SLC25A24: variants seen among roughly 807,000 people sequenced by gnomAD.
SLC25A24 encodes mitochondrial adenyl nucleotide antiporter SLC25A24.
Under a neutral mutation model 60.7 loss-of-function variants are expected in SLC25A24, and 49 were observed. The observed-to-expected ratio is 0.81, with a 90% CI of 0.64 to 1.02. The LOEUF (loss-of-function observed/expected upper bound fraction) is 1.02, where lower values mean the gene tolerates loss of function less well. SLC25A24 is among the 50% of genes least tolerant of loss of function. The pLI is 0.00. For synonymous variants in SLC25A24, 202 were observed against 200.6 expected, an observed-to-expected ratio of 1.01 and a Z score of -0.06; for missense variants, 564 against 586.3, an observed-to-expected ratio of 0.96 and a Z score of 0.39.
Position 108,169,268 on chromosome 1 carries a change from G to A in SLC25A24, c.399-7975C>T, listed in dbSNP as rs983563312. ...GCCCCTGGCTCCTTACAGTTCTTCA[G>A]GAATGTCCTGGATATTCTTAGGCCT... is the stretch of plus-strand genomic sequence containing the variant. On this transcript the variant is annotated intron_variant, in intron 3 of 9. Transcript: ENST00000565488. Among the ~76,000 whole-genome samples the A allele has an allele frequency of 2.0e-5, 3 of 152,138 alleles. No homozygotes were observed. The South Asian group carries it at 6.2e-4, about 32-fold the overall frequency.
chr1:108,200,085 C>A lies in SLC25A24; in HGVS notation c.54G>T (p.Ala18=). The A allele has an allele frequency of 1.3e-6, 2 of 1,581,956 alleles. No homozygotes were observed. The stretch of plus-strand genomic sequence containing the variant: ...GGGTCTCGTAGCGCGTCGGCTGCTC[C>A]GCGTCCTGGCAGGCCGCGGTGGGCA... ...FVLPTAACQD[A]EQPTRYETLF... The change falls in exon 1 of 10, where the codon GCG becomes GCT. Residue 18 remains alanine (A), a synonymous_variant. Transcript: ENST00000565488.
In SLC25A24 at chr1:108,136,476, C is replaced by T; in HGVS notation, c.*177G>A. 1.8e-6 allele frequency: 1 copy of T among 556,220 alleles called. No individual in the cohort carries two copies. The highest frequency in any genetic ancestry group is 3.4e-5 in the Admixed American group (1 of 29,484). 34.5% of individuals were successfully genotyped at this position (556,220 alleles called of 1,614,324 possible). A position where few individuals can be genotyped will look rare whatever the true frequency, so the allele number is the denominator to read the frequency against. ...AACACATTAAAACTATGATTTTGAACATTTCTGTGTACATATAATTTAGCC... is the reference window on the plus strand; with the variant it reads ...AACACATTAAAACTATGATTTTGAATATTTCTGTGTACATATAATTTAGCC... On this transcript the variant is annotated 3_prime_UTR_variant, in exon 10 of 10. Transcript: ENST00000565488.
chr1:108,157,419 A>G, intron 5 of SLC25A24, 43 bp downstream of exon 5: 1 of 1,550,168 alleles, frequency 6.5e-7, no homozygotes, highest in Non-Finnish European at 8.8e-7. Context: ...TCATTGTTTT[A>G]GAATATTTAG....
rs143310576 is a variant in SLC25A24, at chr1:108,199,810, T to G, written c.183+146A>C. 218 of 656,976 alleles carry G rather than the reference T, an allele frequency of 3.3e-4. 2 individuals are homozygous for G. The highest frequency in any genetic ancestry group is 3.2e-3 in the African/African-American group (175 of 54,040). The allele number at this position is 656,976 out of a possible 1,614,324, so 40.7% of individuals were successfully genotyped here. ...CGCCGGTCGCGGCCCCACGCCCGAGTTTCTGAAGCCACCGGAGCGCTGGGC... is the reference window on the plus strand; with the variant it reads ...CGCCGGTCGCGGCCCCACGCCCGAGGTTCTGAAGCCACCGGAGCGCTGGGC... On this transcript the variant is annotated intron_variant, in intron 1 of 9. Coordinates refer to ENST00000565488, the MANE Select transcript of SLC25A24 (RefSeq NM_013386.5).
At chr1:108,141,760 C>T (rs1482786046) in intron 8 of SLC25A24, among the ~76,000 whole-genome samples, 4 of 152,034 alleles carry the variant, frequency 2.6e-5, no homozygotes, top group Non-Finnish European at 5.9e-5. Context: ...AAGCCAGTCA[C>T]GGAAAGAGAA....
At chr1:108,145,800 C>T (rs148721358) in intron 7 of SLC25A24, among the ~76,000 whole-genome samples, 11,051 of 152,190 alleles carry the variant, frequency 0.073, 536 homozygotes, top group East Asian at 0.12. Flanking sequence ...GTTTTGGTTA[C>T]TGTAGCCTTG....
intron 3 of SLC25A24, among the ~76,000 whole-genome samples, chr1:108,168,890 T>C (rs1370304237): frequency 6.6e-6 from 1 of 151,862 alleles, no homozygotes; most frequent in African/African-American, 2.4e-5. Flanking sequence ...TATGGCCTTT[T>C]GTGTCTTCTT....
rs1558005981 is a variant in SLC25A24 at position 108,139,052 on chromosome 1, A to G, written c.1249+6T>C. 3 of 1,568,538 alleles carry G rather than the reference A, an allele frequency of 1.9e-6. No individual in the cohort carries two copies. Among genetic ancestry groups the G allele is most frequent in the Non-Finnish European group, 2.6e-6 (3 of 1,158,834 alleles). ...TATCGGTGTGGTTCTGTAATCAAAA[A>G]TTCACCTTGAGCCTGCATGCGAGTT... On this transcript the variant is annotated splice_donor_region_variant and intron_variant, in intron 9 of 9. Transcript: ENST00000565488.
rs1679222229 is a variant in SLC25A24 at position 108,134,342 on chromosome 1, C to T, written c.*2311G>A. 6.6e-6 allele frequency: 1 copy of T among 152,302 alleles called. No homozygotes were observed. The highest frequency in any genetic ancestry group is 1.9e-4 in the East Asian group (1 of 5,182). 9.4% of individuals were successfully genotyped at this position (152,302 alleles called of 1,614,324 possible). ...GGAGTTGAAATGCAGAATTTCTCTG[C>T]AGTCTTATGTTTTAATTTTTAAATC... is the stretch of plus-strand genomic sequence containing the variant. On this transcript the variant is annotated 3_prime_UTR_variant, in exon 10 of 10. Transcript: ENST00000565488.
rs1679265037 is a variant in SLC25A24 at position 108,135,749 on chromosome 1, A to T, written c.*904T>A. On this transcript the variant is annotated 3_prime_UTR_variant, in exon 10 of 10. Transcript: ENST00000565488. ...GAAATAAGCACATCATTTGCTCATG[A>T]TCAATCCACTTCATGCAATTAAAAA... 1 of 152,644 alleles carries T rather than the reference A, an allele frequency of 6.6e-6. No homozygotes were observed. Among genetic ancestry groups the T allele is most frequent in the Non-Finnish European group, 1.5e-5 (1 of 68,030 alleles). 9.5% of individuals were successfully genotyped at this position (152,644 alleles called of 1,614,324 possible). A position where few individuals can be genotyped will look rare whatever the true frequency, so the allele number is the denominator to read the frequency against.
rs570467903 is a variant in SLC25A24, at chr1:108,147,441, G to A, written c.930+838C>T. On this transcript the variant is annotated intron_variant, in intron 7 of 9. Transcript: ENST00000565488. Reference sequence around the variant, plus strand: ...TCTGCTCTGACCTTAGCTACTTCTTGTCTTCCGCTATCTTTTGAATTTGTT... The same window carrying A: ...TCTGCTCTGACCTTAGCTACTTCTTATCTTCCGCTATCTTTTGAATTTGTT... 1.1e-4 allele frequency among the ~76,000 whole-genome samples: 16 copies of A among 152,180 alleles called. 1 individual carries two copies. The highest frequency in any genetic ancestry group is 2.9e-4 in the African/African-American group (12 of 41,524).
At chr1:108,169,186 G>A (rs555049938) in intron 3 of SLC25A24, among the ~76,000 whole-genome samples, 109 of 152,278 alleles carry the variant, frequency 7.2e-4, no homozygotes, top group African/African-American at 2.5e-3. Flanking sequence ...TGTTTCTGTA[G>A]AAACAGCACT....
chr1:108,188,080 C>T (rs1648207745), intron 1 of SLC25A24, among the ~76,000 whole-genome samples: 5 of 151,826 alleles, frequency 3.3e-5, no homozygotes. Flanking sequence ...TCTGCAGCAA[C>T]ATGGATGCAG....
intron 1 of SLC25A24, among the ~76,000 whole-genome samples, chr1:108,196,650 G>A (rs914525798): frequency 6.6e-6 from 1 of 152,222 alleles, no homozygotes; most frequent in Non-Finnish European, 1.5e-5. Flanking sequence ...GGAAGTCCTA[G>A]ATCGAAGTGC....
intron 3 of SLC25A24, among the ~76,000 whole-genome samples, chr1:108,169,445 T>C (rs1473847162): frequency 2.0e-5 from 3 of 152,194 alleles, no homozygotes; most frequent in African/African-American, 7.2e-5. Context: ...CTAACAAATT[T>C]TGTTAAGCTG....
intron 3 of SLC25A24, among the ~76,000 whole-genome samples, chr1:108,176,293 T>C (rs1479741418): frequency 6.6e-6 from 1 of 151,668 alleles, no homozygotes; most frequent in African/African-American, 2.4e-5. Flanking sequence ...AAAGAAACTA[T>C]GAACTCAAAG....
At chr1:108,137,819 A>T (rs1679330026) in intron 9 of SLC25A24, among the ~76,000 whole-genome samples, 1 of 152,176 alleles carries the variant, frequency 6.6e-6, no homozygotes, top group African/African-American at 2.4e-5. Flanking sequence ...AAAAATGGGG[A>T]TAATGTTAGT....
At chr1:108,141,438 C>A (rs181537647) in intron 8 of SLC25A24, among the ~76,000 whole-genome samples, 1 of 152,182 alleles carries the variant, frequency 6.6e-6, no homozygotes, top group Admixed American at 6.5e-5. Context: ...GGTCTAGTTA[C>A]TATGGAAAAT....
At chr1:108,137,428 C>G (rs1282351441) in intron 9 of SLC25A24, among the ~76,000 whole-genome samples, 1 of 152,176 alleles carries the variant, frequency 6.6e-6, no homozygotes. Flanking sequence ...GTTGCTGGCA[C>G]AACCAAGACA....
Sources: gnomAD v4.1 joint callset for allele counts (sites outside exome capture counted in the v4.1 genomes callset) on GRCh38, gnomAD v4.1.1 for gene constraint, MANE v1.5 for transcripts, NCBI Gene and HGNC (gene_info 2026-07-23, HGNC 2026-07-21) for gene names.